Variants in PDE11A observed in about 807,000 individuals in gnomAD.
PDE11A encodes dual 3',5'-cyclic-AMP and -GMP phosphodiesterase 11A.
In PDE11A, 100 loss-of-function variants were observed where a neutral mutation model predicts 100.5. That is an observed-to-expected ratio of 1.00 (90% CI 0.85 to 1.18). The LOEUF is 1.18. PDE11A is among the 50% of genes most tolerant of loss of function. The pLI, the probability that PDE11A is intolerant of heterozygous loss-of-function variation, is 0.00. For synonymous variants in PDE11A, 381 were observed against 420.8 expected (o/e 0.91, Z 1.16); for missense variants, 1,141 against 1,152.6 (o/e 0.99, Z 0.15).
At position 178,014,430 on chromosome 2, in the gene PDE11A, G is replaced by T. The variant is rs1362061889; in HGVS notation, c.943C>A (p.Leu315Ile). The T allele has an allele frequency of 6.2e-7, 1 of 1,613,036 alleles. No homozygotes were observed. Among genetic ancestry groups the T allele is most frequent in the Non-Finnish European group, 8.5e-7 (1 of 1,179,246 alleles). ...DRRFNDEIDK[L>I]TGYKTKSLLC... Reference sequence around the variant, plus strand: ...AATGATTTTGTCTTGTATCCAGTTAGCTTGTCGATTTCATCATTGAATCGT... The same window carrying T: ...AATGATTTTGTCTTGTATCCAGTTATCTTGTCGATTTCATCATTGAATCGT... The change falls in exon 2 of 20, where the codon CTA (leucine) becomes ATA (isoleucine). Residue 315 changes from leucine (L) to isoleucine (I), a missense_variant. Physicochemically the swap from Leu to Ile is conservative, Grantham distance 5 (BLOSUM62 2). Coordinates refer to ENST00000286063, the MANE Select transcript of PDE11A (RefSeq NM_016953.4).
At chr2:177,885,283 G>A (rs1243957343) in intron 4 of PDE11A, among the ~76,000 whole-genome samples, 2 of 151,758 alleles carry the variant, frequency 1.3e-5, no homozygotes, top group Non-Finnish European at 1.5e-5. Flanking sequence ...CTTTATCCAT[G>A]GGTTCTGCAT....
intron 2 of PDE11A, among the ~76,000 whole-genome samples, chr2:177,990,593 C>G (rs1022499094): frequency 6.6e-6 from 1 of 151,858 alleles, no homozygotes; most frequent in East Asian, 1.9e-4. Flanking sequence ...CAAAAATTAG[C>G]TGGGTATGGT....
intron 2 of PDE11A, among the ~76,000 whole-genome samples, chr2:178,005,439 A>G (rs1328631997): frequency 1.3e-5 from 2 of 152,134 alleles, no homozygotes; most frequent in Non-Finnish European, 2.9e-5. Context: ...CTTGAGCCCA[A>G]GAATTCAGGA....
chr2:177,949,859 T>C lies in PDE11A; in HGVS notation c.1072-44672A>G, dbSNP rs141642243. ...CACAGCTTTTCTACTATCATTCTTA[T>C]AGGGCGTGATGCAAATACAAATAAA... On this transcript the variant is annotated intron_variant, in intron 2 of 19. Coordinates refer to ENST00000286063, the MANE Select transcript of PDE11A (RefSeq NM_016953.4). 6.9e-3 allele frequency among the ~76,000 whole-genome samples: 1,047 copies of C among 152,312 alleles called. 12 individuals carry two copies. Among genetic ancestry groups the C allele is most frequent in the African/African-American group, 0.023 (972 of 41,578 alleles).
intron 10 of PDE11A, among the ~76,000 whole-genome samples, chr2:177,749,307 G>C (rs1007033473): frequency 1.3e-5 from 2 of 152,090 alleles, no homozygotes; most frequent in African/African-American, 4.8e-5. Context: ...AGACTGTTGG[G>C]ATCAAGCAAC....
intron 2 of PDE11A, among the ~76,000 whole-genome samples, chr2:178,000,857 G>A (rs1241239473): frequency 3.9e-5 from 6 of 152,090 alleles, no homozygotes; most frequent in Non-Finnish European, 7.4e-5. Context: ...TTAAACCTCA[G>A]TTTATTTAAC....
At chr2:177,641,206 CT>C in intron 19 of PDE11A, among the ~76,000 whole-genome samples, 1 of 152,208 alleles carries the variant, frequency 6.6e-6, no homozygotes, top group East Asian at 1.9e-4. Flanking sequence ...GTCCAAATCC[CT>C]CAATGTGGCC....
At chr2:177,948,685 C>A (rs1335070509) in intron 2 of PDE11A, among the ~76,000 whole-genome samples, 1 of 152,176 alleles carries the variant, frequency 6.6e-6, no homozygotes, top group Non-Finnish European at 1.5e-5. Context: ...AGGAGGATTG[C>A]TTGAGTCCAG....
intron 4 of PDE11A, among the ~76,000 whole-genome samples, chr2:177,885,831 TAAG>T (rs1558991548): frequency 6.6e-6 from 1 of 152,126 alleles, no homozygotes; most frequent in Non-Finnish European, 1.5e-5. Context: ...ACCAAGGAGC[TAAG>T]GAGGATATAA....
intron 1 of PDE11A, chr2:178,018,606 G>A (rs939549226): frequency 3.8e-5 from 12 of 317,224 alleles, no homozygotes; most frequent in African/African-American, 6.5e-5. Context: ...ACTCTTTGGT[G>A]CAATCATAGC....
intron 3 of PDE11A, among the ~76,000 whole-genome samples, chr2:177,903,119 T>C (rs2084724537): frequency 6.6e-6 from 1 of 152,144 alleles, no homozygotes; most frequent in African/African-American, 2.4e-5. Context: ...TTTTTCCCTT[T>C]CACTCTTCCC....
In PDE11A at chr2:177,794,637, G is replaced by A. The variant is rs544761655; in HGVS notation, c.1737+22192C>T. On this transcript the variant is annotated intron_variant, in intron 9 of 19. Transcript: ENST00000286063. Reference sequence around the variant, plus strand: ...CTGTCAGCCCCACAGACCCACATGAGCCAGATCTTTTTCTTTGGATGAATC... The same window carrying A: ...CTGTCAGCCCCACAGACCCACATGAACCAGATCTTTTTCTTTGGATGAATC... 6.9e-4 allele frequency among the ~76,000 whole-genome samples: 105 copies of A among 152,236 alleles called. 1 individual carries two copies. The Middle Eastern group carries it at 0.01, about 15-fold the overall frequency.
chr2:177,779,703 A>G (rs2082425665), intron 9 of PDE11A, among the ~76,000 whole-genome samples: 1 of 152,152 alleles, frequency 6.6e-6, no homozygotes, highest in Non-Finnish European at 1.5e-5. Flanking sequence ...TTCTCTTGCT[A>G]TTTCCACCAC....
chr2:177,868,968 G>T (rs1266137506), intron 5 of PDE11A, among the ~76,000 whole-genome samples: 1 of 152,330 alleles, frequency 6.6e-6, no homozygotes, highest in African/African-American at 2.4e-5. Flanking sequence ...TGAAGGTTAA[G>T]TAAGACTCCT....
At chr2:177,802,375 T>C (rs570867132) in intron 9 of PDE11A, among the ~76,000 whole-genome samples, 2 of 152,128 alleles carry the variant, frequency 1.3e-5, no homozygotes, top group African/African-American at 4.8e-5. Flanking sequence ...AGAGAAATCA[T>C]AGCATATGTT....
At chr2:177,899,325 T>C (rs902856215) in intron 3 of PDE11A, among the ~76,000 whole-genome samples, 1 of 152,102 alleles carries the variant, frequency 6.6e-6, no homozygotes, top group Non-Finnish European at 1.5e-5. Flanking sequence ...CAGAATTGCT[T>C]GAACCCAGGG....
At chr2:177,970,714 A>C (rs2085758461) in intron 2 of PDE11A, among the ~76,000 whole-genome samples, 1 of 152,312 alleles carries the variant, frequency 6.6e-6, no homozygotes, top group South Asian at 2.1e-4. Flanking sequence ...TGAGACTCCC[A>C]AGAGATAGAC....
chr2:177,979,295 T>C (rs908167111), intron 2 of PDE11A, among the ~76,000 whole-genome samples: 10 of 150,520 alleles, frequency 6.6e-5, no homozygotes, highest in African/African-American at 2.4e-4. Context: ...TAGTGACTTC[T>C]TCCTACTTTA....
intron 9 of PDE11A, among the ~76,000 whole-genome samples, chr2:177,815,596 T>G (rs1313589939): frequency 1.3e-4 from 20 of 152,254 alleles, no homozygotes; most frequent in African/African-American, 4.6e-4. Flanking sequence ...CAAAAATTAT[T>G]CAATAAATCC....
Sources: gnomAD v4.1 joint callset for allele counts (sites outside exome capture counted in the v4.1 genomes callset) on GRCh38, gnomAD v4.1.1 for gene constraint, MANE v1.5 for transcripts, NCBI Gene and HGNC (gene_info 2026-07-23, HGNC 2026-07-21) for gene names.